L2HGDH: variants seen among roughly 807,000 people sequenced by gnomAD.
L2HGDH encodes the protein L-2-hydroxyglutarate dehydrogenase, mitochondrial.
L2HGDH carries 34 observed loss-of-function variants against 51.5 expected under a neutral mutation model. The ratio of observed to expected loss-of-function variants is 0.66; its 90% CI spans 0.50 to 0.88. L2HGDH has a LOEUF of 0.88. Among genes scored for constraint, L2HGDH ranks in the 40% least tolerant of loss-of-function variants. The pLI is 0.00. For missense variants in L2HGDH, 558 were observed against 571.9 expected, an observed-to-expected ratio of 0.98 and a Z score of 0.25; for synonymous variants, 198 against 197.9, an observed-to-expected ratio of 1.00 and a Z score of -0.01.
At position 50,302,971 on chromosome 14, in the gene L2HGDH, A is replaced by T; in HGVS notation, c.187T>A (p.Ser63Thr). The T allele has an allele frequency of 6.2e-7, 1 of 1,614,062 alleles. No individual in the cohort carries two copies. Among genetic ancestry groups the T allele is most frequent in the Non-Finnish European group, 8.5e-7 (1 of 1,179,902 alleles). ...IVGGGIVGLA[S>T]ARALILRHPS... Reference sequence around the variant, plus strand: ...TGTCGCAGGATGAGTGCTCTGGCAGAGGCAAGCCCCACAATTCCGCCACCA... The same window carrying T: ...TGTCGCAGGATGAGTGCTCTGGCAGTGGCAAGCCCCACAATTCCGCCACCA... Residue 63 changes from serine to threonine, a missense_variant, in exon 2 of 10, where the codon TCT (serine) becomes ACT (threonine). This residue lies in a region of L2HGDH where 194 missense variants were observed against 187.2 expected (regional missense o/e 1.04). Transcript: ENST00000267436.
intron 3 of L2HGDH, among the ~76,000 whole-genome samples, chr14:50,296,703 G>A (rs1232751240): frequency 6.6e-6 from 1 of 151,116 alleles, no homozygotes; most frequent in Non-Finnish European, 1.5e-5. Context: ...AAACAGAAGA[G>A]TAAGAATCAC....
intron 9 of L2HGDH, among the ~76,000 whole-genome samples, chr14:50,250,251 G>T (rs1043967996): frequency 2.6e-5 from 4 of 152,172 alleles, no homozygotes; most frequent in African/African-American, 4.8e-5. Flanking sequence ...GGGCCAGAGG[G>T]GAGCCCACTG....
Position 50,294,079 on chromosome 14 carries a change from GCCCTAAATAAAAACAT to G in L2HGDH, c.540+20_540+35del, listed in dbSNP as rs1369189789. The G allele has an allele frequency of 1.9e-6, 3 of 1,610,322 alleles. No homozygotes were observed. Among genetic ancestry groups the G allele is most frequent in the Non-Finnish European group, 2.5e-6 (3 of 1,177,280 alleles). On this transcript the variant is annotated intron_variant, in intron 4 of 9. Coordinates refer to ENST00000267436, the MANE Select transcript of L2HGDH (RefSeq NM_024884.3). ...CTCAGCCTCCATGTCTCAGGACTAA[GCCCTAAATAAAAACAT>G]CCCTTTGTTAATCACTTACCCTACA...
intron 9 of L2HGDH, among the ~76,000 whole-genome samples, chr14:50,262,892 C>T (rs181864753): frequency 5.9e-5 from 9 of 152,290 alleles, no homozygotes; most frequent in Non-Finnish European, 1.2e-4. Context: ...TAAAGAGGAA[C>T]TCATCTGTGA....
rs561813773 is a variant in L2HGDH, at chr14:50,246,778, G to A, written c.*280C>T. 3.0e-6 allele frequency: 1 copy of A among 331,680 alleles called. No homozygotes were observed. The allele number at this position is 331,680 out of a possible 1,614,324, so 20.5% of individuals were successfully genotyped here. A position where few individuals can be genotyped will look rare whatever the true frequency, so the allele number is the denominator to read the frequency against. ...GCTCTGTCACCCAGGCTGGAGTGCA[G>A]TGGTGCAATCTCAGCTCTCAGCTCA... On this transcript the variant is annotated 3_prime_UTR_variant, in exon 10 of 10. Transcript: ENST00000267436.
intron 4 of L2HGDH, among the ~76,000 whole-genome samples, chr14:50,290,829 G>T (rs541802165): frequency 1.3e-5 from 2 of 152,044 alleles, no homozygotes; most frequent in African/African-American, 4.8e-5. Context: ...ACGCCTGGCT[G>T]AATTTCATAT....
At chr14:50,297,766 T>G (rs2030151126) in intron 3 of L2HGDH, among the ~76,000 whole-genome samples, 1 of 152,146 alleles carries the variant, frequency 6.6e-6, no homozygotes, top group Admixed American at 6.5e-5. Flanking sequence ...ACAAGAGGAA[T>G]TTTGGAAACT....
rs1887851467 is a variant in L2HGDH at position 50,242,675 on chromosome 14, A to G, written c.*4383T>C. The G allele has an allele frequency of 1.0e-6, 1 of 985,344 alleles. No homozygotes were observed. Among genetic ancestry groups the G allele is most frequent in the Non-Finnish European group, 1.2e-6 (1 of 829,920 alleles). The allele number at this position is 985,344 out of a possible 1,614,324, so 61.0% of individuals were successfully genotyped here. A position where few individuals can be genotyped will look rare whatever the true frequency, so the allele number is the denominator to read the frequency against. On this transcript the variant is annotated 3_prime_UTR_variant, in exon 10 of 10. Coordinates refer to ENST00000267436, the MANE Select transcript of L2HGDH (RefSeq NM_024884.3). The stretch of plus-strand genomic sequence containing the variant: ...CGAGGCAGCTTTTGCTTTCCCAACC[A>G]TTTCACCCTGTCCTTCTACCTTAAG...
chr14:50,243,555 TAAAC>T lies in L2HGDH; in HGVS notation c.*3499_*3502del, dbSNP rs1395454383. ...ACATAAAACTTTATTATATCAGTAT[TAAAC>T]AAAAAAACCCTATTGACATACATAT... On this transcript the variant is annotated 3_prime_UTR_variant, in exon 10 of 10. Transcript: ENST00000267436. The T allele has an allele frequency of 1.3e-6, 1 of 756,528 alleles. No homozygotes were observed. The highest frequency in any genetic ancestry group is 1.6e-6 in the Non-Finnish European group (1 of 621,902). The allele number at this position is 756,528 out of a possible 1,614,324, so 46.9% of individuals were successfully genotyped here.
chr14:50,278,616 T>C, intron 5 of L2HGDH, 62 bp from the exon 6 acceptor site: 1 of 870,720 alleles, frequency 1.1e-6, no homozygotes, highest in South Asian at 1.5e-5. Flanking sequence ...ATTTGAAATA[T>C]CATACTAGAA....
At chr14:50,309,876 G>A (rs1021955281) in intron 1 of L2HGDH, among the ~76,000 whole-genome samples, 2 of 151,900 alleles carry the variant, frequency 1.3e-5, no homozygotes, top group East Asian at 3.9e-4. Flanking sequence ...TTGTAGAGCA[G>A]GGGTTTTGCC....
chr14:50,242,798 A>T lies in L2HGDH; in HGVS notation c.*4260T>A, dbSNP rs1320648682. 1 of 985,330 alleles carries T rather than the reference A, an allele frequency of 1.0e-6. No homozygotes were observed. Among genetic ancestry groups the T allele is most frequent in the African/African-American group, 1.7e-5 (1 of 57,252 alleles). 61.0% of individuals were successfully genotyped at this position (985,330 alleles called of 1,614,324 possible). The stretch of plus-strand genomic sequence containing the variant: ...ACTCAAAAATGTTTACAAGATCTTT[A>T]GATAATAGTGTATGCGCAGAAAGAT... On this transcript the variant is annotated 3_prime_UTR_variant, in exon 10 of 10. Coordinates refer to ENST00000267436, the MANE Select transcript of L2HGDH (RefSeq NM_024884.3).
intron 5 of L2HGDH, among the ~76,000 whole-genome samples, chr14:50,280,710 C>T (rs928272185): frequency 2.6e-5 from 4 of 152,044 alleles, no homozygotes; most frequent in African/African-American, 7.2e-5. Flanking sequence ...GATGGGGTCT[C>T]GCGATGTTGC....
chr14:50,283,706 T>G, intron 5 of L2HGDH, 165 bp downstream of exon 5: 1 of 602,144 alleles, frequency 1.7e-6, no homozygotes, highest in Non-Finnish European at 2.9e-6. Flanking sequence ...TGCTATTTTT[T>G]TGTTATACTA....
chr14:50,289,528 A>G (rs1480498505), intron 4 of L2HGDH, among the ~76,000 whole-genome samples: 1 of 152,206 alleles, frequency 6.6e-6, no homozygotes, highest in Non-Finnish European at 1.5e-5. Flanking sequence ...TTCAGGGAGC[A>G]CCTCATTCAT....
chr14:50,292,849 C>T (rs1890958263), intron 4 of L2HGDH, among the ~76,000 whole-genome samples: 1 of 151,724 alleles, frequency 6.6e-6, no homozygotes, highest in African/African-American at 2.4e-5. Flanking sequence ...GGTGGCACTG[C>T]ACTTCAGCCT....
intron 9 of L2HGDH, among the ~76,000 whole-genome samples, chr14:50,255,736 T>G (rs997032879): frequency 6.6e-6 from 1 of 151,966 alleles, no homozygotes; most frequent in Non-Finnish European, 1.5e-5. Context: ...TTTTTTAATT[T>G]TTATTTTTAA....
intron 9 of L2HGDH, among the ~76,000 whole-genome samples, chr14:50,250,705 A>C: frequency 6.6e-6 from 1 of 152,346 alleles, no homozygotes; most frequent in South Asian, 2.1e-4. Flanking sequence ...TAGCACAGAC[A>C]GAAAGAGACT....
At chr14:50,273,362 T>C (rs911902044) in intron 6 of L2HGDH, among the ~76,000 whole-genome samples, 5 of 152,200 alleles carry the variant, frequency 3.3e-5, no homozygotes, top group Admixed American at 2.6e-4. Context: ...GGTGTAAAGA[T>C]AGTCTCCATA....
Sources: allele counts gnomAD v4.1 joint callset (sites outside exome capture counted in the v4.1 genomes callset), GRCh38; gene constraint gnomAD v4.1.1; regional missense constraint gnomAD v4.1.1; transcripts MANE v1.5; gene names NCBI Gene and HGNC (gene_info 2026-07-23, HGNC 2026-07-21).